The following FRMD4A variants were observed in gnomAD, a reference collection of about 807,000 sequenced individuals.
FRMD4A encodes FERM domain containing 4A.
FRMD4A carries 29 observed loss-of-function variants against 129.1 expected under a neutral mutation model. The observed-to-expected ratio is 0.22, with a 90% CI of 0.17 to 0.31. The LOEUF (loss-of-function observed/expected upper bound fraction) is 0.31. Ranked by LOEUF, FRMD4A falls within the 10% of genes least tolerant of loss-of-function variation. The probability of loss-of-function intolerance (pLI) is 1.00; values close to 1 mark genes in which losing one functional copy is unlikely to be tolerated. For missense variants in FRMD4A, 1,272 were observed against 1,375.8 expected (o/e 0.92, Z 1.19); for synonymous variants, 634 against 571.6 (o/e 1.11, Z -1.56).
intron 12 of FRMD4A, among the ~76,000 whole-genome samples, chr10:13,708,635 C>T (rs7915354): frequency 0.86 from 130,968 of 152,254 alleles, 56,426 homozygotes; most frequent in Middle Eastern, 0.9. Context: ...AGCAAATGGC[C>T]CAAAGCTCTA....
intron 15 of FRMD4A, chr10:13,685,408 C>T: frequency 1.0e-6 from 1 of 985,020 alleles, no homozygotes; most frequent in Non-Finnish European, 1.2e-6. Context: ...AAAAAATTAG[C>T]AGCATCCAGT....
chr10:13,844,009 G>A (rs951749812), intron 3 of FRMD4A, among the ~76,000 whole-genome samples: 2 of 152,202 alleles, frequency 1.3e-5, no homozygotes, highest in Admixed American at 6.5e-5. Context: ...GTAATTTGGT[G>A]AGAATACTGT....
At chr10:13,979,450 G>A (rs527792678) in intron 2 of FRMD4A, among the ~76,000 whole-genome samples, 1 of 152,292 alleles carries the variant, frequency 6.6e-6, no homozygotes, top group African/African-American at 2.4e-5. Context: ...GGAATTAAGA[G>A]GTTAGAAAAT....
chr10:14,145,530 G>A (rs1303478342), intron 2 of FRMD4A, among the ~76,000 whole-genome samples: 1 of 152,148 alleles, frequency 6.6e-6, no homozygotes, highest in Non-Finnish European at 1.5e-5. Flanking sequence ...TACGGTGCCA[G>A]GCTCTGTTTT....
intron 9 of FRMD4A, 91 bp downstream of exon 9, chr10:13,747,645 G>C: frequency 1.4e-6 from 1 of 703,190 alleles, no homozygotes; most frequent in Non-Finnish European, 2.6e-6. Context: ...TGGCACGTGG[G>C]AGCTGGTGGA....
intron 2 of FRMD4A, among the ~76,000 whole-genome samples, chr10:14,290,607 C>T (rs746516925): frequency 6.6e-6 from 1 of 151,992 alleles, no homozygotes; most frequent in African/African-American, 2.4e-5. Flanking sequence ...AACTTAAGCA[C>T]AAGACCTAGA....
chr10:13,790,094 G>C (rs1392838364), intron 5 of FRMD4A, among the ~76,000 whole-genome samples: 2 of 151,916 alleles, frequency 1.3e-5, no homozygotes, highest in East Asian at 3.9e-4. Flanking sequence ...GATGGATAGG[G>C]AGCTGTTTAA....
intron 13 of FRMD4A, among the ~76,000 whole-genome samples, chr10:13,702,174 C>A (rs1431332533): frequency 6.6e-6 from 1 of 152,160 alleles, no homozygotes; most frequent in East Asian, 1.9e-4. Flanking sequence ...CAGGTTCAAC[C>A]AATTCTCCTG....
chr10:13,735,168 C>G (rs769479222), intron 12 of FRMD4A, among the ~76,000 whole-genome samples: 1 of 152,174 alleles, frequency 6.6e-6, no homozygotes, highest in Non-Finnish European at 1.5e-5. Context: ...CCACTGCGCC[C>G]GGCCACAATA....
intron 2 of FRMD4A, among the ~76,000 whole-genome samples, chr10:13,986,277 G>A (rs1482730518): frequency 4.0e-5 from 6 of 151,568 alleles, no homozygotes; most frequent in Non-Finnish European, 8.8e-5. Context: ...ACTGGATTAA[G>A]AAAATGTGGC....
chr10:13,959,542 A>G, intron 2 of FRMD4A, among the ~76,000 whole-genome samples: 1 of 141,430 alleles, frequency 7.1e-6, no homozygotes, highest in Admixed American at 7.2e-5. Flanking sequence ...TCATCAGGTG[A>G]CAGGTTCATT....
intron 2 of FRMD4A, among the ~76,000 whole-genome samples, chr10:14,195,231 G>C (rs1842438251): frequency 6.6e-6 from 1 of 152,112 alleles, no homozygotes; most frequent in African/African-American, 2.4e-5. Flanking sequence ...AACAGGCTCA[G>C]CATGTTTAAG....
chr10:13,672,755 C>T (rs2083619003), intron 16 of FRMD4A, among the ~76,000 whole-genome samples: 1 of 152,080 alleles, frequency 6.6e-6, no homozygotes. Context: ...GGTCAAGCAG[C>T]GCGTCTTGAT....
At chr10:13,906,248 C>CT (rs542274634) in intron 2 of FRMD4A, among the ~76,000 whole-genome samples, 5 of 152,222 alleles carry the variant, frequency 3.3e-5, no homozygotes, top group South Asian at 4.2e-4. Context: ...CCAGAAGGGC[C>CT]TTTTTTTATC....
At chr10:13,654,896 C>T (rs76627826) in intron 22 of FRMD4A, 2,229 of 214,148 alleles carry the variant, frequency 0.01, 21 homozygotes, top group Non-Finnish European at 0.016. Context: ...GAGCAGGGCT[C>T]ATACAGGGAG....
chr10:14,253,907 C>A (rs1481997749), intron 2 of FRMD4A, among the ~76,000 whole-genome samples: 1 of 151,748 alleles, frequency 6.6e-6, no homozygotes, highest in African/African-American at 2.4e-5. Context: ...TGTGCAAATG[C>A]CAGCTTTCTC....
At chr10:14,101,405 G>GGACT (rs1239432547) in intron 2 of FRMD4A, among the ~76,000 whole-genome samples, 23 of 152,140 alleles carry the variant, frequency 1.5e-4, no homozygotes, top group Admixed American at 3.9e-4. Flanking sequence ...AGATAAAATA[G>GGACT]GACTAGGTAG....
At chr10:13,809,613 G>A (rs894796576) in intron 4 of FRMD4A, among the ~76,000 whole-genome samples, 1 of 152,120 alleles carries the variant, frequency 6.6e-6, no homozygotes, top group Non-Finnish European at 1.5e-5. Flanking sequence ...CCTGCCCACC[G>A]ACGGCCACTC....
In FRMD4A at chr10:14,020,589, T is replaced by C. The variant is rs201240918; in HGVS notation, c.46-161677A>G. Among the ~76,000 whole-genome samples, 15 of 152,346 alleles carry C rather than the reference T, an allele frequency of 9.8e-5. No individual in the cohort carries two copies. In the East Asian group the frequency reaches 2.9e-3, roughly 29 times the overall value. On this transcript the variant is annotated intron_variant, in intron 2 of 24. Transcript: ENST00000357447. ...CTTCTTTTGTTCTTATTTAGGTTTT[T>C]AGCCTCTCAAACCCCATGGGGCATC...
Sources: gnomAD v4.1 joint callset for allele counts (sites outside exome capture counted in the v4.1 genomes callset) on GRCh38, gnomAD v4.1.1 for gene constraint, MANE v1.5 for transcripts, NCBI Gene and HGNC (gene_info 2026-07-23, HGNC 2026-07-21) for gene names.